ZBTB40: variants seen among roughly 807,000 people sequenced by gnomAD.
ZBTB40 encodes the protein zinc finger and BTB domain containing 40, also known as zinc finger and BTB domain-containing protein 40.
A neutral mutation model predicts 117.5 loss-of-function variants in ZBTB40; 60 were observed. The ratio of observed to expected loss-of-function variants is 0.51; its 90% CI spans 0.41 to 0.63. ZBTB40 has a LOEUF of 0.63. Ranked by LOEUF, ZBTB40 falls within the 30% of genes least tolerant of loss-of-function variation. The probability of loss-of-function intolerance (pLI) is 0.00; values close to 1 mark genes in which losing one functional copy is unlikely to be tolerated. For synonymous variants in ZBTB40, 525 were observed against 577.1 expected (o/e 0.91, Z 1.29); for missense variants, 1,287 against 1,498.5 (o/e 0.86, Z 2.33).
chr1:22,433,471 A>G (rs924656429), intron 1 of ZBTB40, among the ~76,000 whole-genome samples: 6 of 127,856 alleles, frequency 4.7e-5, no homozygotes, highest in African/African-American at 1.6e-4. Flanking sequence ...AGCTAAAAAT[A>G]TGGTACAACA....
At chr1:22,466,668 A>T (rs943257727) in intron 1 of ZBTB40, among the ~76,000 whole-genome samples, 1 of 151,930 alleles carries the variant, frequency 6.6e-6, no homozygotes, top group African/African-American at 2.4e-5. Context: ...TCATGTACTT[A>T]CTGGCCACTT....
Position 22,434,236 on chromosome 1 carries a change from G to A in ZBTB40, c.-70+5222G>A, listed in dbSNP as rs148300937. On this transcript the variant is annotated intron_variant, in intron 1 of 8. Coordinates refer to the ZBTB40 transcript ENST00000650433. ...TTTTGAGTATTTATAAGTCATTTTCGTGCCTTTCATATGTATTAACTGCTT... is the reference window on the plus strand; with the variant it reads ...TTTTGAGTATTTATAAGTCATTTTCATGCCTTTCATATGTATTAACTGCTT... Among the ~76,000 whole-genome samples the A allele has an allele frequency of 1.3e-4, 20 of 152,122 alleles. No homozygotes were observed. In the East Asian group the frequency reaches 2.1e-3, roughly 16 times the overall value.
chr1:22,515,942 G>A (rs1185269310), intron 12 of ZBTB40, among the ~76,000 whole-genome samples: 1 of 152,236 alleles, frequency 6.6e-6, no homozygotes, highest in Non-Finnish European at 1.5e-5. Context: ...GGCTGTTAGA[G>A]CCGTTCAGTG....
At chr1:22,473,864 T>C (rs571858336) in intron 1 of ZBTB40, among the ~76,000 whole-genome samples, 1 of 152,330 alleles carries the variant, frequency 6.6e-6, no homozygotes, top group Admixed American at 6.5e-5. Context: ...GAATTGAACC[T>C]GAGTTCGAGT....
intron 14 of ZBTB40, among the ~76,000 whole-genome samples, chr1:22,520,983 T>C (rs1482156701): frequency 1.3e-5 from 2 of 152,204 alleles, no homozygotes; most frequent in Non-Finnish European, 2.9e-5. Flanking sequence ...AGTGCTGCTC[T>C]GGAACCTGGG....
At chr1:22,469,918 A>G (rs970803980) in intron 1 of ZBTB40, among the ~76,000 whole-genome samples, 9 of 152,174 alleles carry the variant, frequency 5.9e-5, no homozygotes, top group African/African-American at 2.2e-4. Context: ...TTATGACTTA[A>G]AGATAGTTAT....
At chr1:22,480,568 T>G (rs181752807) in intron 1 of ZBTB40, among the ~76,000 whole-genome samples, 102 of 152,138 alleles carry the variant, frequency 6.7e-4, no homozygotes, top group African/African-American at 2.4e-3. Flanking sequence ...GCCAGGATGG[T>G]CTCGATCTCC....
At chr1:22,440,703 G>T (rs1003400585) in intron 1 of ZBTB40, among the ~76,000 whole-genome samples, 12 of 150,824 alleles carry the variant, frequency 8.0e-5, no homozygotes, top group African/African-American at 2.9e-4. Flanking sequence ...GTTATGTTTT[G>T]TCAAATGCTT....
chr1:22,525,685 G>C (rs1639656759), intron 17 of ZBTB40, among the ~76,000 whole-genome samples: 1 of 152,254 alleles, frequency 6.6e-6, no homozygotes, highest in South Asian at 2.1e-4. Context: ...TGAATGCGTG[G>C]AGTCACAGTT....
rs1639224552 is a variant in ZBTB40 at position 22,511,277 on chromosome 1, C to T, written c.1932C>T (p.Cys644=). 1.2e-6 allele frequency: 2 copies of T among 1,614,038 alleles called. No individual in the cohort carries two copies. The highest frequency in any genetic ancestry group is 1.7e-6 in the Non-Finnish European group (2 of 1,180,026). Residue 644 remains cysteine, a synonymous_variant, in exon 10 of 18, where the codon TGC becomes TGT. Coordinates refer to ENST00000375647, the MANE Select transcript of ZBTB40 (RefSeq NM_014870.4). ...MEKSVPAIEI[C]HLLCSVHKSF... is the part of the protein sequence containing the mutation. ...AATCAGTCCCGGCCATTGAAATATG[C>T]CACCTCCTGTGCAGTGTCCACAAAT...
chr1:22,508,258 C>A, intron 7 of ZBTB40, 121 bp downstream of exon 7: 1 of 1,235,108 alleles, frequency 8.1e-7, no homozygotes. Flanking sequence ...TTGAGAATTG[C>A]TAAGTAGAGG....
chr1:22,508,481 C>T, intron 7 of ZBTB40, 49 bp from the exon 8 acceptor site: 1 of 1,600,084 alleles, frequency 6.2e-7, no homozygotes, highest in Non-Finnish European at 8.6e-7. Context: ...TGCAGCTGGG[C>T]TAGTGGCTGG....
chr1:22,482,323 A>G (rs1412003734), intron 1 of ZBTB40, among the ~76,000 whole-genome samples: 1 of 152,100 alleles, frequency 6.6e-6, no homozygotes, highest in Non-Finnish European at 1.5e-5. Flanking sequence ...TTAATAAACT[A>G]TTTTTTTAGA....
chr1:22,432,875 T>C (rs1640616153), intron 1 of ZBTB40, among the ~76,000 whole-genome samples: 1 of 152,260 alleles, frequency 6.6e-6, no homozygotes, highest in African/African-American at 2.4e-5. Flanking sequence ...CATTCATTTG[T>C]TGAATGTATC....
At chr1:22,521,867 T>C (rs1458427790) in intron 15 of ZBTB40, among the ~76,000 whole-genome samples, 1 of 152,152 alleles carries the variant, frequency 6.6e-6, no homozygotes, top group Non-Finnish European at 1.5e-5. Context: ...CGTAGCGCAG[T>C]GTAAGCTCCC....
upstream of ZBTB40, among the ~76,000 whole-genome samples, chr1:22,449,584 T>A (rs1640831485): frequency 6.6e-6 from 1 of 152,252 alleles, no homozygotes; most frequent in South Asian, 2.1e-4. Context: ...ATCCACTGAC[T>A]GTGGATACAT....
intron 13 of ZBTB40, among the ~76,000 whole-genome samples, chr1:22,518,201 G>C (rs1242120054): frequency 1.3e-5 from 2 of 152,224 alleles, no homozygotes; most frequent in Non-Finnish European, 2.9e-5. Context: ...CAGCACAGCA[G>C]GGGAGTTAAG....
chr1:22,516,676 G>A (rs1054123259), intron 12 of ZBTB40, among the ~76,000 whole-genome samples: 4 of 152,146 alleles, frequency 2.6e-5, no homozygotes, highest in Admixed American at 6.5e-5. Flanking sequence ...TGCCCTGCTT[G>A]CTCTCTCGGC....
chr1:22,471,036 TTC>T (rs1464677260), intron 1 of ZBTB40, among the ~76,000 whole-genome samples: 4 of 152,250 alleles, frequency 2.6e-5, no homozygotes, highest in Non-Finnish European at 5.9e-5. Flanking sequence ...TGATTTGTGC[TTC>T]TTCTGTGTCT....
Sources: allele counts gnomAD v4.1 joint callset (sites outside exome capture counted in the v4.1 genomes callset), GRCh38; gene constraint gnomAD v4.1.1; transcripts MANE v1.5; gene names NCBI Gene and HGNC (gene_info 2026-07-23, HGNC 2026-07-21).